CTNND2: variants seen among roughly 807,000 people sequenced by gnomAD.
The protein encoded by CTNND2 is catenin delta-2.
In CTNND2, 22 loss-of-function variants were observed where a neutral mutation model predicts 144.4. The ratio of observed to expected loss-of-function variants is 0.15; its 90% CI spans 0.11 to 0.22. The LOEUF (loss-of-function observed/expected upper bound fraction) is 0.22, where lower values mean the gene tolerates loss of function less well. Among genes scored for constraint, CTNND2 ranks in the 10% least tolerant of loss-of-function variants. CTNND2 has a pLI of 1.00. For synonymous variants in CTNND2, 751 were observed against 695.6 expected (o/e 1.08, Z -1.25); for missense variants, 1,353 against 1,618.8 (o/e 0.84, Z 2.82).
At chr5:11,560,420 T>G (rs370200992) in intron 3 of CTNND2, among the ~76,000 whole-genome samples, 18 of 152,222 alleles carry the variant, frequency 1.2e-4, no homozygotes, top group Non-Finnish European at 2.6e-4. Flanking sequence ...CAACTGTGAT[T>G]TGAATTCCAT....
chr5:11,468,841 G>C (rs926149753), intron 3 of CTNND2, among the ~76,000 whole-genome samples: 4 of 152,108 alleles, frequency 2.6e-5, no homozygotes, highest in African/African-American at 9.7e-5. Flanking sequence ...TCAGTGGGGT[G>C]TTCTCTCCTT....
intron 12 of CTNND2, among the ~76,000 whole-genome samples, chr5:11,137,439 A>T (rs1756278770): frequency 6.6e-6 from 1 of 152,166 alleles, no homozygotes; most frequent in Non-Finnish European, 1.5e-5. Context: ...CGTGTCCAGG[A>T]ATTTCCTTGT....
At chr5:11,403,984 C>T (rs1225160544) in intron 5 of CTNND2, among the ~76,000 whole-genome samples, 3 of 152,124 alleles carry the variant, frequency 2.0e-5, no homozygotes, top group Non-Finnish European at 4.4e-5. Context: ...TAGTGGTTCT[C>T]AAAACTCTTG....
At chr5:11,246,464 A>C (rs182885261) in intron 9 of CTNND2, among the ~76,000 whole-genome samples, 1,581 of 152,186 alleles carry the variant, frequency 0.01, 35 homozygotes, top group Admixed American at 0.043. Context: ...GGAGTGATGC[A>C]GCCACAAGCC....
chr5:11,433,852 G>A (rs767484041), intron 3 of CTNND2, among the ~76,000 whole-genome samples: 6 of 152,156 alleles, frequency 3.9e-5, no homozygotes, highest in Non-Finnish European at 7.4e-5. Context: ...CAGTTGTAAA[G>A]GTACCAAATT....
chr5:11,803,211 T>A (rs1389384632), intron 1 of CTNND2, among the ~76,000 whole-genome samples: 1 of 151,986 alleles, frequency 6.6e-6, no homozygotes, highest in African/African-American at 2.4e-5. Context: ...TCCCAGCTAC[T>A]CAGGAGGCTG....
chr5:11,857,876 G>A (rs1338304713), intron 1 of CTNND2, among the ~76,000 whole-genome samples: 6 of 152,210 alleles, frequency 3.9e-5, no homozygotes, highest in Non-Finnish European at 8.8e-5. Context: ...CTTCCAGCCA[G>A]GATCCACAAG....
rs892934822 is a variant in CTNND2 at position 11,371,149 on chromosome 5, C to T, written c.1178-6259G>A. Among the ~76,000 whole-genome samples the T allele has an allele frequency of 1.3e-5, 2 of 152,204 alleles. 1 individual carries two copies. Among genetic ancestry groups the T allele is most frequent in the South Asian group, 4.1e-4 (2 of 4,830 alleles). ...GGTATGTCCCATGATGATAGGTCAG[C>T]ATCGCTAGGCAACATGGCTTTGCAG... On this transcript the variant is annotated intron_variant, in intron 7 of 21. Transcript: ENST00000304623.
chr5:11,025,257 T>A (rs1304482548), intron 16 of CTNND2, among the ~76,000 whole-genome samples: 1 of 152,234 alleles, frequency 6.6e-6, no homozygotes, highest in Non-Finnish European at 1.5e-5. Flanking sequence ...GTTTGTTAAT[T>A]ATTTTAAAAG....
At chr5:11,097,297 G>C (rs1384651794) in intron 15 of CTNND2, among the ~76,000 whole-genome samples, 3 of 152,168 alleles carry the variant, frequency 2.0e-5, no homozygotes, top group African/African-American at 7.2e-5. Flanking sequence ...GTAAGACTAT[G>C]CTTGGGATGT....
chr5:11,415,018 G>A (rs921650698), intron 3 of CTNND2, among the ~76,000 whole-genome samples: 1 of 152,160 alleles, frequency 6.6e-6, no homozygotes, highest in Non-Finnish European at 1.5e-5. Flanking sequence ...CATTTAGGTT[G>A]ATTCCATGTC....
chr5:11,237,657 C>T (rs985543153), intron 9 of CTNND2, among the ~76,000 whole-genome samples: 2 of 152,094 alleles, frequency 1.3e-5, no homozygotes, highest in Admixed American at 6.6e-5. Flanking sequence ...TGTGTCACCA[C>T]GTCCGTCTTA....
At chr5:11,698,630 T>C (rs1223075193) in intron 2 of CTNND2, among the ~76,000 whole-genome samples, 1 of 152,170 alleles carries the variant, frequency 6.6e-6, no homozygotes, top group Non-Finnish European at 1.5e-5. Context: ...CTTCCTTTTT[T>C]GTCTCCAGCT....
intron 2 of CTNND2, among the ~76,000 whole-genome samples, chr5:11,634,214 A>C (rs893509838): frequency 1.3e-5 from 2 of 152,196 alleles, no homozygotes; most frequent in Admixed American, 1.3e-4. Context: ...CTGGTTGTAC[A>C]TAATGCCATA....
In CTNND2 at chr5:11,483,682, A is replaced by G. The variant is rs115147904; in HGVS notation, c.288-71613T>C. 1.7e-3 allele frequency among the ~76,000 whole-genome samples: 263 copies of G among 152,272 alleles called. 2 individuals are homozygous for G. The highest frequency in any genetic ancestry group is 6.3e-3 in the African/African-American group (260 of 41,562). Reference sequence around the variant, plus strand: ...AGCTCCTCGAGAGTAAGGATCGTGAACTTCATGGTTCAGTGATGCATGTTT... The same window carrying G: ...AGCTCCTCGAGAGTAAGGATCGTGAGCTTCATGGTTCAGTGATGCATGTTT... On this transcript the variant is annotated intron_variant, in intron 3 of 21. Transcript: ENST00000304623.
chr5:11,271,329 A>ACT (rs1350686868), intron 9 of CTNND2, among the ~76,000 whole-genome samples: 1 of 152,246 alleles, frequency 6.6e-6, no homozygotes, highest in Non-Finnish European at 1.5e-5. Context: ...GAACTAGATA[A>ACT]TCATGCATAC....
chr5:11,540,026 T>C (rs1031665639), intron 3 of CTNND2, among the ~76,000 whole-genome samples: 1 of 152,062 alleles, frequency 6.6e-6, no homozygotes, highest in African/African-American at 2.4e-5. Flanking sequence ...AGAACAAGAC[T>C]CGGCCTCAAA....
intron 18 of CTNND2, 113 bp from the exon 19 acceptor site, chr5:10,992,790 G>C: frequency 7.1e-7 from 1 of 1,414,216 alleles, no homozygotes; most frequent in Non-Finnish European, 9.6e-7. Context: ...TGGTGTGTCA[G>C]AAGAGGTTCT....
intron 2 of CTNND2, among the ~76,000 whole-genome samples, chr5:11,726,243 T>C (rs114394966): frequency 0.032 from 4,855 of 152,268 alleles, 247 homozygotes; most frequent in African/African-American, 0.11. Flanking sequence ...AATACAATTA[T>C]ATTAAATAAT....
Sources: gnomAD v4.1 joint callset for allele counts (sites outside exome capture counted in the v4.1 genomes callset) on GRCh38, gnomAD v4.1.1 for gene constraint, MANE v1.5 for transcripts, NCBI Gene and HGNC (gene_info 2026-07-23, HGNC 2026-07-21) for gene names.